Variants in LMTK3 observed in about 807,000 individuals in gnomAD.
The protein encoded by LMTK3 is serine/threonine-protein kinase LMTK3.
Under a neutral mutation model 116.7 loss-of-function variants are expected in LMTK3, and 27 were observed. That is an observed-to-expected ratio of 0.23 (90% CI 0.17 to 0.32). The LOEUF (loss-of-function observed/expected upper bound fraction) is 0.32. Among genes scored for constraint, LMTK3 ranks in the 10% least tolerant of loss-of-function variants. The probability of loss-of-function intolerance (pLI) is 1.00; values close to 1 mark genes in which losing one functional copy is unlikely to be tolerated. For synonymous variants in LMTK3, 965 were observed against 971.0 expected (o/e 0.99, Z 0.11); for missense variants, 1,764 against 2,068.5 (o/e 0.85, Z 2.86).
chr19:48,493,983 G>GCCCCGCCGGCCT lies in LMTK3; in HGVS notation c.3791_3802dup (p.Glu1264_Gly1267dup), dbSNP rs1972279247. 10 of 1,055,906 alleles carry GCCCCGCCGGCCT rather than the reference G, an allele frequency of 9.5e-6. No homozygotes were observed. The highest frequency in any genetic ancestry group is 4.3e-5 in the South Asian group (1 of 23,274). 65.4% of individuals were successfully genotyped at this position (1,055,906 alleles called of 1,614,324 possible). On this transcript the variant is annotated inframe_insertion, in exon 12 of 15. Coordinates refer to ENST00000600059, the MANE Select transcript of LMTK3 (RefSeq NM_001388485.1). ...CTCCTCCGCCGGCCCCGGCGCTCCC[G>GCCCCGCCGGCCT]CCCCGCCGGCCTCCCCGCCAGCCGC...
chr19:48,493,382 GCC>G (rs1379449005), intron 12 of LMTK3, among the ~76,000 whole-genome samples: 1 of 15,970 alleles, frequency 6.3e-5, no homozygotes, highest in African/African-American at 3.1e-4. Flanking sequence ...GCTCGGCCCC[GCC>G]CCAGGCCCCG....
Position 48,497,946 on chromosome 19 carries a change from G to A in LMTK3, c.3123C>T (p.Pro1041=). ...EKTPESWGPA[P]TIGEPAPETS... is the part of the protein sequence containing the mutation. ...TCTCTGGGGCTGGCTCCCCGATCGT[G>A]GGGGCTGGACCCCAACTCTCGGGCG... Residue 1041 remains proline, a synonymous_variant, in exon 11 of 15, where the codon CCC becomes CCT. Coordinates refer to ENST00000600059, the MANE Select transcript of LMTK3 (RefSeq NM_001388485.1). The surrounding 1 kb of genome is among the most constrained non-coding windows in gnomAD (Gnocchi z 5.7). 6.4e-7 allele frequency: 1 copy of A among 1,561,228 alleles called. No homozygotes were observed. Among genetic ancestry groups the A allele is most frequent in the Non-Finnish European group, 8.6e-7 (1 of 1,158,170 alleles).
In LMTK3 at chr19:48,491,624, T is replaced by C. The variant is rs2147531596; in HGVS notation, c.4093-85A>G. 8.4e-7 allele frequency: 1 copy of C among 1,191,218 alleles called. No individual in the cohort carries two copies. The highest frequency in any genetic ancestry group is 3.2e-5 in the East Asian group (1 of 31,478). 73.8% of individuals were successfully genotyped at this position (1,191,218 alleles called of 1,614,324 possible). ...ATCCCCCAAAAGCAACAAAACCGGCTAATATTTCTGGGGCTCTAGGAATCC... is the reference window on the plus strand; with the variant it reads ...ATCCCCCAAAAGCAACAAAACCGGCCAATATTTCTGGGGCTCTAGGAATCC... On this transcript the variant is annotated intron_variant, in intron 12 of 14. Transcript: ENST00000600059. This position sits in a 1 kb window ranked among gnomAD's most constrained non-coding sequence, Gnocchi z 5.1.
chr19:48,510,754 G>A (rs1972644644), intron 1 of LMTK3, among the ~76,000 whole-genome samples, 162 bp from the exon 2 acceptor site: 1 of 152,214 alleles, frequency 6.6e-6, no homozygotes. Context: ...TGTGGGAGTT[G>A]TAGTTTGGGG....
intron 5 of LMTK3, among the ~76,000 whole-genome samples, chr19:48,508,600 C>T (rs1414972608): frequency 6.6e-6 from 1 of 152,076 alleles, no homozygotes; most frequent in Non-Finnish European, 1.5e-5. Flanking sequence ...GATGAAGATC[C>T]GGAGGTTCAG....
intron 14 of LMTK3, among the ~76,000 whole-genome samples, chr19:48,486,122 C>T (rs367699133): frequency 2.7e-4 from 33 of 123,742 alleles, no homozygotes; most frequent in Admixed American, 2.1e-3. Context: ...TGCAGTGGCG[C>T]GATCTCGGCT....
rs1276958035 is a variant in LMTK3, at chr19:48,485,477, A to G, written c.*296T>C. The G allele has an allele frequency of 5.0e-6, 2 of 401,974 alleles. No individual in the cohort carries two copies. Among genetic ancestry groups the G allele is most frequent in the African/African-American group, 4.3e-5 (2 of 46,972 alleles). The allele number at this position is 401,974 out of a possible 1,614,324, so 24.9% of individuals were successfully genotyped here. A position where few individuals can be genotyped will look rare whatever the true frequency, so the allele number is the denominator to read the frequency against. ...CGCTGTGTCGAGGGGCTCCAGGCCC[A>G]AAAGAGTTCAGTTCAGTTCCGAGAA... On this transcript the variant is annotated 3_prime_UTR_variant, in exon 15 of 15. Coordinates refer to ENST00000600059, the MANE Select transcript of LMTK3 (RefSeq NM_001388485.1).
upstream of LMTK3, chr19:48,513,102 C>CAG (rs1972688222): frequency 6.4e-7 from 1 of 1,562,518 alleles, no homozygotes; most frequent in African/African-American, 1.4e-5. This position sits in a 1 kb window ranked among gnomAD's most constrained non-coding sequence, Gnocchi z 5.6. Flanking sequence ...AACACAGACA[C>CAG]AGACACGCGC....
chr19:48,507,414 A>G (rs1298649893), intron 5 of LMTK3, among the ~76,000 whole-genome samples: 4 of 152,142 alleles, frequency 2.6e-5, no homozygotes, highest in Admixed American at 6.6e-5. Flanking sequence ...TCGGGTAACG[A>G]GACAGACCCT....
Position 48,500,020 on chromosome 19 carries a change from GGGTAAC to G in LMTK3, c.1152-109_1152-104del. On this transcript the variant is annotated intron_variant, in intron 10 of 14. Transcript: ENST00000600059. The surrounding 1 kb of genome is among the most constrained non-coding windows in gnomAD (Gnocchi z 4.0). ...AGAGAGAGGGGGACAGAGACCCAGA[GGGTAAC>G]AGAGACCCAGAGAGAGGGGGACAGA... 1 of 1,159,616 alleles carries G rather than the reference GGGTAAC, an allele frequency of 8.6e-7. No homozygotes were observed. Among genetic ancestry groups the G allele is most frequent in the African/African-American group, 1.6e-5 (1 of 61,708 alleles). The allele number at this position is 1,159,616 out of a possible 1,614,324, so 71.8% of individuals were successfully genotyped here.
rs1338695106 is a variant in LMTK3 at position 48,498,856 on chromosome 19, C to T, written c.2213G>A (p.Gly738Glu). 3.3e-6 allele frequency: 4 copies of T among 1,225,502 alleles called. No individual in the cohort carries two copies. The highest frequency in any genetic ancestry group is 4.1e-6 in the Non-Finnish European group (4 of 964,900). 75.9% of individuals were successfully genotyped at this position (1,225,502 alleles called of 1,614,324 possible). A position where few individuals can be genotyped will look rare whatever the true frequency, so the allele number is the denominator to read the frequency against. Residue 738 changes from glycine to glutamate, a missense_variant, in exon 11 of 15, where the codon GGG becomes GAG. By Grantham distance (98) the Gly-to-Glu change is moderately conservative (BLOSUM62 -2). Transcript: ENST00000600059. Reference protein sequence around the residue: ...APPEFLDPLMGAAAPQYPGRG... With the variant: ...APPEFLDPLMEAAAPQYPGRG... ...CCCGGGGTACTGGGGCGCCGCCGCC[C>T]CCATGAGGGGGTCCAGAAACTCGGG...
At chr19:48,503,073 A>C in intron 5 of LMTK3, 77 bp from the exon 6 acceptor site, 1 of 819,530 alleles carries the variant, frequency 1.2e-6, no homozygotes, top group East Asian at 2.6e-5. Context: ...AGCAGAACCA[A>C]ACTGCTGCCT....
chr19:48,501,617 G>T (rs1972469628), intron 7 of LMTK3, 55 bp from the exon 8 acceptor site: 7 of 1,520,964 alleles, frequency 4.6e-6, no homozygotes, highest in South Asian at 1.2e-5. Flanking sequence ...GCCACGCCCT[G>T]ACCCCGCCCT....
chr19:48,511,602 AGGT>A lies in LMTK3; in HGVS notation c.-29_-27del. On this transcript the variant is annotated 5_prime_UTR_variant, in exon 1 of 15. Coordinates refer to ENST00000600059, the MANE Select transcript of LMTK3 (RefSeq NM_001388485.1). ...CTTGTCGAGGATGGCAGGGAGGTGG[AGGT>A]GGTGGCGGCTGGGGAGGAGGGGGGG... 4 of 299,174 alleles carry A rather than the reference AGGT, an allele frequency of 1.3e-5. No homozygotes were observed. The highest frequency in any genetic ancestry group is 1.9e-5 in the Non-Finnish European group (4 of 214,630). The allele number at this position is 299,174 out of a possible 1,614,324, so 18.5% of individuals were successfully genotyped here.
rs908047754 is a variant in LMTK3 at position 48,502,518 on chromosome 19, G to C, written c.709C>G (p.Pro237Ala). Residue 237 changes from proline (P) to alanine (A), a missense_variant, in exon 7 of 15, where the codon CCT becomes GCT. By Grantham distance (27) the Pro-to-Ala change is conservative. Transcript: ENST00000600059. ...CTCTGCAGCGTCCGCAGGTCTCGAG[G>C]GGGTAGCTCAGGGGACAGGCCCTCG... ...PPEGLSPELP[P>A]RDLRTLQRMG... 5.0e-6 allele frequency: 8 copies of C among 1,607,408 alleles called. No individual in the cohort carries two copies. The Admixed American group carries it at 5.1e-5, about 10-fold the overall frequency.
Position 48,493,735 on chromosome 19 carries a change from C to T in LMTK3, c.4051G>A (p.Val1351Ile). ...ACGGTCACGTCCCCGTGGAAGGAGA[C>T]CATCTTGCGCTTCCTCTCCAGCTCG... ...DSELERKRKMVSFHGDVTVYL... is the reference protein window; with the variant it reads ...DSELERKRKMISFHGDVTVYL... The change falls in exon 12 of 15, where the codon GTC (valine) becomes ATC (isoleucine). Residue 1351 changes from valine (V) to isoleucine (I), a missense_variant. Val to Ile is a conservative substitution (Grantham distance 29). Around this residue, in one of 7 missense-constraint regions of LMTK3, gnomAD observed 281 missense variants for 301.4 expected, o/e 0.93. Coordinates refer to ENST00000600059, the MANE Select transcript of LMTK3 (RefSeq NM_001388485.1). 6.4e-7 allele frequency: 1 copy of T among 1,574,776 alleles called. No individual in the cohort carries two copies. Among genetic ancestry groups the T allele is most frequent in the East Asian group, 2.4e-5 (1 of 41,982 alleles).
chr19:48,486,853 G>T (rs1399413798), intron 14 of LMTK3, among the ~76,000 whole-genome samples: 1 of 151,350 alleles, frequency 6.6e-6, no homozygotes, highest in Non-Finnish European at 1.5e-5. Context: ...GTCCTTGTTT[G>T]TTTTTTGGGG....
rs775378522 is a variant in LMTK3, at chr19:48,491,289, G to T, written c.4229-44C>A. ...CCGCGGTCAGGCTGCAGACACCTGC[G>T]GCACTCCCGCCCTCTGGTCCCGCCC... On this transcript the variant is annotated intron_variant, in intron 13 of 14. Coordinates refer to ENST00000600059, the MANE Select transcript of LMTK3 (RefSeq NM_001388485.1). The surrounding 1 kb of genome is among the most constrained non-coding windows in gnomAD (Gnocchi z 5.1). 2.2e-6 allele frequency: 3 copies of T among 1,359,942 alleles called. No individual in the cohort carries two copies. The highest frequency in any genetic ancestry group is 1.5e-5 in the African/African-American group (1 of 65,306). 84.2% of individuals were successfully genotyped at this position (1,359,942 alleles called of 1,614,324 possible).
rs1040823096 is a variant in LMTK3 at position 48,502,683 on chromosome 19, T to G, written c.646-102A>C. On this transcript the variant is annotated intron_variant, in intron 6 of 14. Coordinates refer to ENST00000600059, the MANE Select transcript of LMTK3 (RefSeq NM_001388485.1). ...TTCTGCTGTCACTGGGTAGCCCCTC[T>G]GAGCCTTAGTTTCCTCTGCTGCTTG... is the stretch of plus-strand genomic sequence containing the variant. 3 of 1,337,888 alleles carry G rather than the reference T, an allele frequency of 2.2e-6. No individual in the cohort carries two copies. In the Admixed American group the frequency reaches 8.2e-5, roughly 37 times the overall value. 82.9% of individuals were successfully genotyped at this position (1,337,888 alleles called of 1,614,324 possible).
Sources: gnomAD v4.1 joint callset for allele counts (sites outside exome capture counted in the v4.1 genomes callset) on GRCh38, gnomAD v4.1.1 for gene constraint, gnomAD v4.1.1 regional missense constraint, Gnocchi (gnomAD v3.1) non-coding constraint, MANE v1.5 for transcripts, NCBI Gene and HGNC (gene_info 2026-07-23, HGNC 2026-07-21) for gene names.